Variants in NCKAP5L observed in about 807,000 individuals in gnomAD.
NCKAP5L encodes the protein NCK associated protein 5 like, also known as nck-associated protein 5-like.
In NCKAP5L, 54 loss-of-function variants were observed where a neutral mutation model predicts 103.2. The observed-to-expected ratio is 0.52, with a 90% confidence interval of 0.42 to 0.66. NCKAP5L has a LOEUF of 0.66. Ranked by LOEUF, NCKAP5L falls within the 30% of genes least tolerant of loss-of-function variation. NCKAP5L has a pLI of 0.00. For synonymous variants in NCKAP5L, 762 were observed against 748.6 expected (o/e 1.02, Z -0.29); for missense variants, 1,733 against 1,750.6 (o/e 0.99, Z 0.18).
intron 1 of NCKAP5L, among the ~76,000 whole-genome samples, chr12:49,821,983 T>C (rs938455275): frequency 2.0e-5 from 3 of 152,170 alleles, no homozygotes; most frequent in African/African-American, 7.2e-5. Flanking sequence ...CAAATCCACA[T>C]GTTGAAATCC....
At chr12:49,817,855 C>T (rs577903948) in intron 1 of NCKAP5L, among the ~76,000 whole-genome samples, 4 of 152,120 alleles carry the variant, frequency 2.6e-5, no homozygotes, top group Admixed American at 2.0e-4. Context: ...CCTGGCCGGG[C>T]GCAGTGCTCA....
Position 49,798,407 on chromosome 12 carries a change from G to C in NCKAP5L, c.408C>G (p.Ser136Arg). Residue 136 changes from serine (S) to arginine (R), a missense_variant, in exon 7 of 13, where the codon AGC becomes AGG. By Grantham distance (110) the Ser-to-Arg change is moderately radical. Transcript: ENST00000335999. The stretch of plus-strand genomic sequence containing the variant: ...GCGGGGCAGCCGGTCCCTCAGTGGA[G>C]CTCAGGGAGGGGGAGGCTGGTGGCT... Reference protein sequence around the residue: ...PSEPPASPSLSSTEGPAAPLP... With the variant: ...PSEPPASPSLRSTEGPAAPLP... The C allele has an allele frequency of 1.9e-6, 3 of 1,579,778 alleles. No individual in the cohort carries two copies. The highest frequency in any genetic ancestry group is 1.7e-4 in the Middle Eastern group (1 of 6,022).
At chr12:49,811,448 G>A (rs1056607238) in intron 1 of NCKAP5L, among the ~76,000 whole-genome samples, 3 of 148,660 alleles carry the variant, frequency 2.0e-5, no homozygotes, top group African/African-American at 7.4e-5. Context: ...CATCCCCCTC[G>A]GAACCCTCCC....
chr12:49,793,051 A>G, intron 10 of NCKAP5L, 65 bp from the exon 11 acceptor site: 1 of 1,274,894 alleles, frequency 7.8e-7, no homozygotes, highest in Non-Finnish European at 1.1e-6. Flanking sequence ...GCCTGCCTCC[A>G]CTTCCCGCCC....
At chr12:49,820,193 T>C (rs1202433445) in intron 1 of NCKAP5L, among the ~76,000 whole-genome samples, 1 of 152,126 alleles carries the variant, frequency 6.6e-6, no homozygotes, top group Non-Finnish European at 1.5e-5. Context: ...CATCAGCTAT[T>C]AGTATTTTCT....
Position 49,818,133 on chromosome 12 carries a change from G to A in NCKAP5L, c.-99+10189C>T, listed in dbSNP as rs1249590248. ...GGTGACACAGCAAGGCTGTGTCTTG[G>A]AAAAAAAAAAAAACAAAAAAACCTT... On this transcript the variant is annotated intron_variant, in intron 1 of 12. Transcript: ENST00000335999. Among the ~76,000 whole-genome samples, 780 of 133,644 alleles carry A rather than the reference G, an allele frequency of 5.8e-3. 8 individuals carry two copies. Among genetic ancestry groups the A allele is most frequent in the Non-Finnish European group, 9.6e-3 (595 of 61,734 alleles). 87.7% of individuals were successfully genotyped at this position (133,644 alleles called of 152,430 possible).
chr12:49,797,151 G>T lies in NCKAP5L; in HGVS notation c.709C>A (p.Pro237Thr). ...AGCAGGCAGGGCGCCCAGGGTGAGG[G>T]TTCAGGCTGAGGCGGGCCACACAGC... The part of the protein sequence containing the change: ...GELCGPPQPE[P>T]SPWAPCLLLG... Residue 237 changes from proline to threonine, a missense_variant, in exon 8 of 13, where the codon CCC (proline) becomes ACC (threonine). Physicochemically the swap from Pro to Thr is conservative, Grantham distance 38 (BLOSUM62 -1). Transcript: ENST00000335999. This position sits in a 1 kb window ranked among gnomAD's most constrained non-coding sequence, Gnocchi z 4.5. The T allele has an allele frequency of 6.2e-7, 1 of 1,609,572 alleles. No homozygotes were observed. The highest frequency in any genetic ancestry group is 8.5e-7 in the Non-Finnish European group (1 of 1,178,348).
chr12:49,802,209 CTT>C, intron 5 of NCKAP5L: 1 of 426,560 alleles, frequency 2.3e-6, no homozygotes, highest in Non-Finnish European at 4.2e-6. Context: ...ATCCTATTCT[CTT>C]TGTTATCTTT....
chr12:49,807,485 G>A (rs1044378041), intron 1 of NCKAP5L, among the ~76,000 whole-genome samples: 11 of 152,170 alleles, frequency 7.2e-5, no homozygotes, highest in Non-Finnish European at 1.3e-4. Context: ...TGAGAGGCAC[G>A]AGTCACTGTG....
chr12:49,792,715 A>G lies in NCKAP5L; in HGVS notation c.3612T>C (p.Ala1204=). 1 of 1,611,228 alleles carries G rather than the reference A, an allele frequency of 6.2e-7. No individual in the cohort carries two copies. Among genetic ancestry groups the G allele is most frequent in the Non-Finnish European group, 8.5e-7 (1 of 1,179,038 alleles). The part of the protein sequence containing the change: ...SMPAFPALLP[A]APGHRGHETC... ...TCTCATGGCCCCGGTGGCCCGGAGC[A>G]GCGGGTAGCAGTGCAGGGAAGGCTG... Residue 1204 remains alanine (A), a synonymous_variant, in exon 11 of 13, where the codon GCT becomes GCC. Coordinates refer to ENST00000335999, the MANE Select transcript of NCKAP5L (RefSeq NM_001037806.4). This position sits in a 1 kb window ranked among gnomAD's most constrained non-coding sequence, Gnocchi z 4.5.
intron 1 of NCKAP5L, among the ~76,000 whole-genome samples, chr12:49,824,163 G>A (rs941442127): frequency 3.3e-5 from 5 of 152,214 alleles, no homozygotes; most frequent in Non-Finnish European, 2.9e-5. Context: ...CCTTAGCTGG[G>A]AGTCAAGGCC....
At chr12:49,821,456 G>A (rs1052759067) in intron 1 of NCKAP5L, among the ~76,000 whole-genome samples, 3 of 152,116 alleles carry the variant, frequency 2.0e-5, no homozygotes, top group South Asian at 4.2e-4. Flanking sequence ...CACAGACTGC[G>A]GGAGTGGGGA....
At chr12:49,811,943 C>G (rs1946244624) in intron 1 of NCKAP5L, among the ~76,000 whole-genome samples, 1 of 152,178 alleles carries the variant, frequency 6.6e-6, no homozygotes, top group South Asian at 2.1e-4. Context: ...TCAGTGGTAA[C>G]CACCACGATG....
chr12:49,798,123 C>T (rs567271480), intron 7 of NCKAP5L, among the ~76,000 whole-genome samples: 39 of 152,184 alleles, frequency 2.6e-4, no homozygotes, highest in Non-Finnish European at 5.3e-4. Flanking sequence ...CTACACAGTG[C>T]CTGGCATGCA....
chr12:49,792,977 G>A lies in NCKAP5L; in HGVS notation c.3350C>T (p.Ser1117Phe), dbSNP rs1945965275. 2 of 1,545,204 alleles carry A rather than the reference G, an allele frequency of 1.3e-6. No homozygotes were observed. Among genetic ancestry groups the A allele is most frequent in the African/African-American group, 1.4e-5 (1 of 73,464 alleles). Residue 1117 changes from serine (S) to phenylalanine (F), a missense_variant, in exon 11 of 13, where the codon TCC becomes TTC. Coordinates refer to ENST00000335999, the MANE Select transcript of NCKAP5L (RefSeq NM_001037806.4). The surrounding 1 kb of genome is among the most constrained non-coding windows in gnomAD (Gnocchi z 4.5). Reference protein sequence around the residue: ...VPTSHFTACGSLTRTLDSGIG... With the variant: ...VPTSHFTACGFLTRTLDSGIG... ...GCCACTGTCCAAGGTTCGAGTCAAGGAGCCACAGGCTGGGGAGGGGAGGGG... is the reference window on the plus strand; with the variant it reads ...GCCACTGTCCAAGGTTCGAGTCAAGAAGCCACAGGCTGGGGAGGGGAGGGG...
intron 2 of NCKAP5L, chr12:49,804,746 G>C (rs1946160731): frequency 6.6e-6 from 1 of 152,236 alleles, no homozygotes; most frequent in Non-Finnish European, 1.5e-5. Flanking sequence ...CTGAGAAATG[G>C]GCAGAAGAAT....
intron 9 of NCKAP5L, 145 bp from the exon 10 acceptor site, chr12:49,793,578 A>C: frequency 8.1e-7 from 1 of 1,236,524 alleles, no homozygotes; most frequent in Non-Finnish European, 1.1e-6. Context: ...GCCCCTGCAG[A>C]CTGGGAAGCC....
In NCKAP5L at chr12:49,797,405, A is replaced by G. The variant is rs1457432425; in HGVS notation, c.466-11T>C. ...CTGCTCCCAACATACCTTAGGGGAGAGATGATGGCATGAGGAGGAGACCAC... is the reference window on the plus strand; with the variant it reads ...CTGCTCCCAACATACCTTAGGGGAGGGATGATGGCATGAGGAGGAGACCAC... On this transcript the variant is annotated splice_polypyrimidine_tract_variant and intron_variant, in intron 7 of 12. Coordinates refer to ENST00000335999, the MANE Select transcript of NCKAP5L (RefSeq NM_001037806.4). This position sits in a 1 kb window ranked among gnomAD's most constrained non-coding sequence, Gnocchi z 4.5. 7.6e-6 allele frequency: 12 copies of G among 1,579,784 alleles called. No individual in the cohort carries two copies. Among genetic ancestry groups the G allele is most frequent in the Non-Finnish European group, 1.0e-5 (12 of 1,160,570 alleles).
intron 3 of NCKAP5L, 98 bp from the exon 4 acceptor site, chr12:49,803,263 G>T: frequency 1.7e-6 from 2 of 1,182,812 alleles, no homozygotes; most frequent in Admixed American, 1.9e-5. Flanking sequence ...CAACTACAGG[G>T]GTGCTAACTA....
Sources: gnomAD v4.1 joint callset for allele counts (sites outside exome capture counted in the v4.1 genomes callset) on GRCh38, gnomAD v4.1.1 for gene constraint, Gnocchi (gnomAD v3.1) non-coding constraint, MANE v1.5 for transcripts, NCBI Gene and HGNC (gene_info 2026-07-23, HGNC 2026-07-21) for gene names.